Variants in DDR1 observed in about 807,000 individuals in gnomAD.
DDR1 encodes the protein discoidin domain receptor tyrosine kinase 1.
DDR1 carries 64 observed loss-of-function variants against 97.4 expected under a neutral mutation model. That is an observed-to-expected ratio of 0.66 (90% confidence interval 0.54 to 0.81). The LOEUF is 0.81. DDR1 is among the 30% of genes least tolerant of loss of function. The probability of loss-of-function intolerance (pLI) is 0.00; values close to 1 mark genes in which losing one functional copy is unlikely to be tolerated. For synonymous variants in DDR1, 458 were observed against 503.7 expected, an observed-to-expected ratio of 0.91 and a Z score of 1.21; for missense variants, 990 against 1,259.6, an observed-to-expected ratio of 0.79 and a Z score of 3.24.
intron 10 of DDR1, 150 bp downstream of exon 10, chr6:30,893,573 G>A: frequency 7.1e-7 from 1 of 1,418,090 alleles, no homozygotes; most frequent in Non-Finnish European, 9.2e-7. Flanking sequence ...AAGAGGGTAT[G>A]GGGCTCACAG....
At chr6:30,896,313 C>A (rs1161944344) in intron 12 of DDR1, among the ~76,000 whole-genome samples, 1 of 151,654 alleles carries the variant, frequency 6.6e-6, no homozygotes, top group African/African-American at 2.4e-5. Context: ...AATTCTTCTT[C>A]CAGCCAAGAT....
Position 30,894,374 on chromosome 6 carries a change from A to T in DDR1, c.1348-132A>T. The T allele has an allele frequency of 1.3e-6, 1 of 753,718 alleles. No individual in the cohort carries two copies. Among genetic ancestry groups the T allele is most frequent in the Non-Finnish European group, 2.0e-6 (1 of 508,334 alleles). The allele number at this position is 753,718 out of a possible 1,614,324, so 46.7% of individuals were successfully genotyped here. On this transcript the variant is annotated intron_variant, in intron 10 of 17. Coordinates refer to ENST00000376568, the MANE Select transcript of DDR1 (RefSeq NM_001297654.2). This position sits in a 1 kb window ranked among gnomAD's most constrained non-coding sequence, Gnocchi z 5.7. ...GAGCTTCACTTTCTCTGCCTGTAAGATGGTGCTGATAGTATCCACAGCTGT... is the reference window on the plus strand; with the variant it reads ...GAGCTTCACTTTCTCTGCCTGTAAGTTGGTGCTGATAGTATCCACAGCTGT...
At position 30,899,570 on chromosome 6, in the gene DDR1, C is replaced by A; in HGVS notation, c.*274C>A. On this transcript the variant is annotated 3_prime_UTR_variant, in exon 18 of 18. Transcript: ENST00000376568. ...TCCTGTGGATGGGATCCTCTCCACC[C>A]TCCTCTAGCCATCCCTTGGGGAAGG... The A allele has an allele frequency of 1.9e-6, 1 of 532,606 alleles. No individual in the cohort carries two copies. The highest frequency in any genetic ancestry group is 3.5e-5 in the Admixed American group (1 of 28,776). 33.0% of individuals were successfully genotyped at this position (532,606 alleles called of 1,614,324 possible).
Position 30,894,670 on chromosome 6 carries a change from TG to T in DDR1, c.1513+1del. The T allele has an allele frequency of 6.3e-7, 1 of 1,598,712 alleles. No homozygotes were observed. Among genetic ancestry groups the T allele is most frequent in the Non-Finnish European group, 8.5e-7 (1 of 1,171,652 alleles). On this transcript the variant is annotated frameshift_variant and splice_region_variant, in exon 11 of 18. Transcript: ENST00000376568. LOFTEE classifies it high-confidence loss of function. This position sits in a 1 kb window ranked among gnomAD's most constrained non-coding sequence, Gnocchi z 5.7. ...CCGCTCCCTGTGTCCCCAATGGCTC[TG>T]GTAAGACCTGCCTTGTTCCAGTCGC... ...HSAPCVPNGS[A>X]LLLSNPAYRL...
In DDR1 at chr6:30,892,521, A is replaced by C. The variant is rs1788893794; in HGVS notation, c.1078A>C (p.Ser360Arg). The C allele has an allele frequency of 1.9e-6, 3 of 1,596,744 alleles. No individual in the cohort carries two copies. The highest frequency in any genetic ancestry group is 2.6e-6 in the Non-Finnish European group (3 of 1,170,216). ...CTTTGCGGGGCCCTGGTTACTCTTC[A>C]GCGAAATCTCCTTCATCTCTGGTAA... ...FLFAGPWLLFSEISFISDVVN... is the reference protein window; with the variant it reads ...FLFAGPWLLFREISFISDVVN... Residue 360 changes from serine (S) to arginine (R), a missense_variant, in exon 8 of 18, where the codon AGC becomes CGC. Physicochemically the swap from Ser to Arg is moderately radical, Grantham distance 110 (BLOSUM62 -1). Transcript: ENST00000376568.
chr6:30,885,482 G>A (rs1582001845), intron 1 of DDR1: 1 of 986,742 alleles, frequency 1.0e-6, no homozygotes, highest in Non-Finnish European at 1.4e-6. Flanking sequence ...CCCCCTCGAC[G>A]TCCCTCTGGC....
At position 30,892,199 on chromosome 6, in the gene DDR1, C is replaced by A. The variant is rs953686726; in HGVS notation, c.852+11C>A. On this transcript the variant is annotated intron_variant, in intron 7 of 17. Transcript: ENST00000376568. ...TTCCAGGCTATGCAGGTGAGTGAGT[C>A]CGGCTCTCGAGGAGGGCTCTGAAGC... The A allele has an allele frequency of 6.2e-7, 1 of 1,613,706 alleles. No homozygotes were observed. The highest frequency in any genetic ancestry group is 1.3e-5 in the African/African-American group (1 of 74,916).
rs1478976035 is a variant in DDR1, at chr6:30,899,192, C to G, written c.2638C>G (p.Leu880Val). 1.2e-6 allele frequency: 2 copies of G among 1,614,220 alleles called. No individual in the cohort carries two copies. The highest frequency in any genetic ancestry group is 1.7e-6 in the Non-Finnish European group (2 of 1,180,032). The change falls in exon 18 of 18, where the codon CTA becomes GTA. Residue 880 changes from leucine to valine, a missense_variant. By Grantham distance (32) the Leu-to-Val change is conservative. Coordinates refer to ENST00000376568, the MANE Select transcript of DDR1 (RefSeq NM_001297654.2). Reference sequence around the variant, plus strand: ...CCGGCCGCCTGCCTGCCCGCAGGGCCTATATGAGCTGATGCTTCGGTGCTG... The same window carrying G: ...CCGGCCGCCTGCCTGCCCGCAGGGCGTATATGAGCTGATGCTTCGGTGCTG... ...LSRPPACPQGLYELMLRCWSR... is the reference protein window; with the variant it reads ...LSRPPACPQGVYELMLRCWSR...
chr6:30,892,657 C>G, intron 8 of DDR1, 115 bp downstream of exon 8: 1 of 1,397,908 alleles, frequency 7.2e-7, no homozygotes, highest in East Asian at 2.4e-5. Context: ...CCATCACCCA[C>G]CGAAACTTCT....
In DDR1 at chr6:30,886,825, C is replaced by T. The variant is rs1037888397; in HGVS notation, c.-42-1863C>T. 1 of 152,184 alleles carries T rather than the reference C, an allele frequency of 6.6e-6. No individual in the cohort carries two copies. The allele number at this position is 152,184 out of a possible 1,614,324, so 9.4% of individuals were successfully genotyped here. A position where few individuals can be genotyped will look rare whatever the true frequency, so the allele number is the denominator to read the frequency against. ...GAGACTTCAGTACAGGGCTCTGAGA[C>T]CAGTACAGGTTAGGATAGCTTTTCC... is the stretch of plus-strand genomic sequence containing the variant. On this transcript the variant is annotated intron_variant, in intron 1 of 17. Coordinates refer to ENST00000376568, the MANE Select transcript of DDR1 (RefSeq NM_001297654.2). The surrounding 1 kb of genome is among the most constrained non-coding windows in gnomAD (Gnocchi z 4.6).
At chr6:30,883,997 C>G (rs1056890420), upstream of DDR1, 12 of 153,034 alleles carry the variant, frequency 7.8e-5, no homozygotes, top group African/African-American at 2.9e-4. This position sits in a 1 kb window ranked among gnomAD's most constrained non-coding sequence, Gnocchi z 4.9. Context: ...TGGGCCGAGC[C>G]TGTGGGAACC....
chr6:30,893,324 C>T lies in DDR1; in HGVS notation c.1248C>T (p.Thr416=), dbSNP rs766209632. ...QPVAKAEGSP[T]AILIGCLVAI... ...TGGCCAAGGCCGAGGGGAGCCCGAC[C>T]GCCATCCTCATCGGCTGCCTGGTGG... Residue 416 remains threonine (T), a synonymous_variant, in exon 10 of 18, where the codon ACC becomes ACT. Coordinates refer to ENST00000376568, the MANE Select transcript of DDR1 (RefSeq NM_001297654.2). The T allele has an allele frequency of 3.8e-4, 617 of 1,607,006 alleles. No individual in the cohort carries two copies. Among genetic ancestry groups the T allele is most frequent in the Non-Finnish European group, 5.0e-4 (593 of 1,179,768 alleles).
chr6:30,893,434 C>T lies in DDR1; in HGVS notation c.1347+11C>T, dbSNP rs2150375384. 6.3e-7 allele frequency: 1 copy of T among 1,599,292 alleles called. No individual in the cohort carries two copies. On this transcript the variant is annotated intron_variant, in intron 10 of 17. Coordinates refer to ENST00000376568, the MANE Select transcript of DDR1 (RefSeq NM_001297654.2). ...AGGCTCCTCAGCAAGGTGGGCACAG[C>T]CGTGGCATGTGGAGTGGCGGGGGGA...
In DDR1 at chr6:30,888,656, A is replaced by G; in HGVS notation, c.-42-32A>G. 1 of 1,585,174 alleles carries G rather than the reference A, an allele frequency of 6.3e-7. No homozygotes were observed. Among genetic ancestry groups the G allele is most frequent in the Non-Finnish European group, 8.6e-7 (1 of 1,165,494 alleles). On this transcript the variant is annotated intron_variant, in intron 1 of 17. Transcript: ENST00000376568. This position sits in a 1 kb window ranked among gnomAD's most constrained non-coding sequence, Gnocchi z 4.2. ...TCAGCTATGACTCAGTCCCCTGATT[A>G]ACTTACGCACCACCCATTTTATCCC...
Position 30,892,460 on chromosome 6 carries a change from C to T in DDR1, c.1017C>T (p.Gly339=), listed in dbSNP as rs1440879156. The T allele has an allele frequency of 5.0e-6, 8 of 1,609,672 alleles. No individual in the cohort carries two copies. The highest frequency in any genetic ancestry group is 2.2e-5 in the East Asian group (1 of 44,888). ...CCCGGGCTGTCTCAGTGCCCCTTGG[C>T]GGCCGTGTGGCTCGCTTTCTGCAGT... ...PRARAVSVPL[G]GRVARFLQCR... The change falls in exon 8 of 18, where the codon GGC becomes GGT. Residue 339 remains glycine (G), a synonymous_variant. Transcript: ENST00000376568.
At position 30,889,994 on chromosome 6, in the gene DDR1, C is replaced by T. The variant is rs1015679982; in HGVS notation, c.417+564C>T. 7.9e-5 allele frequency among the ~76,000 whole-genome samples: 12 copies of T among 152,156 alleles called. No individual in the cohort carries two copies. The highest frequency in any genetic ancestry group is 2.6e-4 in the Admixed American group (4 of 15,274). On this transcript the variant is annotated intron_variant, in intron 4 of 17. Transcript: ENST00000376568. This position sits in a 1 kb window ranked among gnomAD's most constrained non-coding sequence, Gnocchi z 4.9. ...TGAGTCCAGTCACTCCTCACCACTC[C>T]ACCTCTACTGCCCTAGGCCACCTGC...
intron 10 of DDR1, among the ~76,000 whole-genome samples, chr6:30,893,872 G>T (rs1789602054): frequency 6.6e-6 from 1 of 152,222 alleles, no homozygotes; most frequent in Admixed American, 6.5e-5. Context: ...GACAGGCAGA[G>T]AGTGGGGTTG....
rs1562384929 is a variant in DDR1, at chr6:30,891,555, G to GTT, written c.665+77_665+78insTT. 9.5e-6 allele frequency: 9 copies of GTT among 942,942 alleles called. No individual in the cohort carries two copies. The highest frequency in any genetic ancestry group is 5.1e-5 in the East Asian group (2 of 39,038). The allele number at this position is 942,942 out of a possible 1,614,324, so 58.4% of individuals were successfully genotyped here. A position where few individuals can be genotyped will look rare whatever the true frequency, so the allele number is the denominator to read the frequency against. On this transcript the variant is annotated intron_variant, in intron 6 of 17. Coordinates refer to ENST00000376568, the MANE Select transcript of DDR1 (RefSeq NM_001297654.2). The surrounding 1 kb of genome is among the most constrained non-coding windows in gnomAD (Gnocchi z 5.3). ...TGTGTGTGTGTGTGTGTGTGTGTGT[G>GTT]TGAGAGTGTGTGTGTGTAGGGGGGC...
chr6:30,893,561 CAA>C, intron 10 of DDR1, 138 bp downstream of exon 10: 1 of 1,437,990 alleles, frequency 7.0e-7, no homozygotes, highest in Non-Finnish European at 9.1e-7. Flanking sequence ...TACACCATGT[CAA>C]AGAGGGTATG....
Sources: allele counts gnomAD v4.1 joint callset (sites outside exome capture counted in the v4.1 genomes callset), GRCh38; gene constraint gnomAD v4.1.1; non-coding constraint Gnocchi (gnomAD v3.1); transcripts MANE v1.5; gene names NCBI Gene and HGNC (gene_info 2026-07-23, HGNC 2026-07-21).